Variants in RGP1 observed in about 807,000 individuals in gnomAD.
RGP1 encodes RAB6A-GEF complex partner protein 2.
RGP1 carries 28 observed loss-of-function variants against 44.5 expected under a neutral mutation model. The ratio of observed to expected loss-of-function variants is 0.63; its 90% CI spans 0.47 to 0.86. RGP1 has a LOEUF of 0.86. Among genes scored for constraint, RGP1 ranks in the 40% least tolerant of loss-of-function variants. RGP1 has a pLI of 0.00. For missense variants in RGP1, 417 were observed against 490.7 expected, an observed-to-expected ratio of 0.85 and a Z score of 1.42; for synonymous variants, 212 against 196.7, an observed-to-expected ratio of 1.08 and a Z score of -0.65.
chr9:35,778,749 G>C, the RGP1 span, among the ~76,000 whole-genome samples: 1 of 152,088 alleles, frequency 6.6e-6, no homozygotes, highest in African/African-American at 2.4e-5. Context: ...TAAGCCCAAG[G>C]CTTGTTAATC....
intron 3 of RGP1, 62 bp from the exon 4 acceptor site, chr9:35,750,596 G>T: frequency 6.4e-7 from 1 of 1,553,714 alleles, no homozygotes; most frequent in South Asian, 1.1e-5. Context: ...TCCACTTGCC[G>T]TGCTAGTCTT....
the RGP1 span, among the ~76,000 whole-genome samples, chr9:35,774,316 G>A: frequency 6.6e-6 from 1 of 152,204 alleles, no homozygotes. Context: ...AGGGCAGGCT[G>A]CACAGGCCTT....
rs2132035415 is a variant in RGP1, at chr9:35,752,704, T to C, written c.1006T>C (p.Leu336=). The change falls in exon 9 of 9, where the codon TTG becomes CTG. Residue 336 remains leucine, a synonymous_variant. Coordinates refer to ENST00000378078, the MANE Select transcript of RGP1 (RefSeq NM_001080496.3). ...FEFVTSREPG[L]VLLPPVEQPE... ...ATTTGTAACGTCCCGAGAACCAGGA[T>C]TGGTACTCCTACCCCCTGTGGAACA... The C allele has an allele frequency of 1.9e-6, 3 of 1,613,704 alleles. No individual in the cohort carries two copies. In the South Asian group the frequency reaches 3.3e-5, roughly 18 times the overall value.
In RGP1 at chr9:35,752,095, TCTCC is replaced by T. The variant is rs770946437; in HGVS notation, c.908_911del (p.Leu303GlnfsTer17). On this transcript the variant is annotated frameshift_variant, in exon 8 of 9. Coordinates refer to ENST00000378078, the MANE Select transcript of RGP1 (RefSeq NM_001080496.3). LOFTEE classifies it high-confidence loss of function. Reference sequence around the variant, plus strand: ...TGCCTACATACAACTAGAACCAGCTTCTCCCTCCCAATCCCTCTCAGCTCCACCC... The same window carrying T: ...TGCCTACATACAACTAGAACCAGCTTCTCCCAATCCCTCTCAGCTCCACCC... 16 of 1,601,136 alleles carry T rather than the reference TCTCC, an allele frequency of 1.0e-5. No individual in the cohort carries two copies. The highest frequency in any genetic ancestry group is 3.4e-5 in the Admixed American group (2 of 58,802).
the RGP1 span, among the ~76,000 whole-genome samples, chr9:35,775,352 G>A: frequency 1.3e-5 from 2 of 152,174 alleles, no homozygotes; most frequent in Non-Finnish European, 2.9e-5. Flanking sequence ...ATTCTCCCTA[G>A]GCTGTGGGAA....
chr9:35,751,277 G>A lies in RGP1; in HGVS notation c.499G>A (p.Val167Ile). 1.2e-6 allele frequency: 2 copies of A among 1,613,956 alleles called. No homozygotes were observed. The highest frequency in any genetic ancestry group is 4.5e-5 in the East Asian group (2 of 44,888). Residue 167 changes from valine to isoleucine, a missense_variant, in exon 6 of 9, where the codon GTC becomes ATC. Val to Ile is a conservative substitution (Grantham distance 29). Coordinates refer to ENST00000378078, the MANE Select transcript of RGP1 (RefSeq NM_001080496.3). Reference sequence around the variant, plus strand: ...CATTCTTTCTCTAGGCCTTCAGGATGTCCGGTTTCCCCAGGATGAGGCTGT... The same window carrying A: ...CATTCTTTCTCTAGGCCTTCAGGATATCCGGTTTCCCCAGGATGAGGCTGT... ...RVLVLTGLQD[V>I]RFPQDEAVAP...
intron 2 of RGP1, 142 bp from the exon 3 acceptor site, chr9:35,750,101 G>A: frequency 7.9e-7 from 1 of 1,261,418 alleles, no homozygotes; most frequent in African/African-American, 1.5e-5. Flanking sequence ...TTTATTTAAT[G>A]GTTTCTCTTT....
chr9:35,751,709 G>A lies in RGP1; in HGVS notation c.717G>A (p.Val239=), dbSNP rs767277273. ...FKSVYRLGED[V]VGTLNLGEGT... ...CTGTGTACAGACTTGGCGAGGACGT[G>A]GTGGGGACCTTAAACTTAGGGGAAG... Residue 239 remains valine, a synonymous_variant, in exon 7 of 9, where the codon GTG becomes GTA. Coordinates refer to ENST00000378078, the MANE Select transcript of RGP1 (RefSeq NM_001080496.3). The A allele has an allele frequency of 1.9e-5, 31 of 1,613,828 alleles. 1 individual carries two copies. The highest frequency in any genetic ancestry group is 8.9e-5 in the East Asian group (4 of 44,894).
At chr9:35,765,131 A>AG in the RGP1 span, among the ~76,000 whole-genome samples, 1 of 152,132 alleles carries the variant, frequency 6.6e-6, no homozygotes, top group Non-Finnish European at 1.5e-5. Context: ...TCAAAAAAAA[A>AG]AAAAAAAGAA....
At chr9:35,777,047 C>A in the RGP1 span, among the ~76,000 whole-genome samples, 1 of 148,258 alleles carries the variant, frequency 6.7e-6, no homozygotes, top group African/African-American at 2.5e-5. Context: ...TGAATTTATT[C>A]TTGGGCCAGA....
the RGP1 span, among the ~76,000 whole-genome samples, chr9:35,781,982 CGT>C: frequency 4.9e-5 from 6 of 121,882 alleles, no homozygotes; most frequent in Non-Finnish European, 1.0e-4. Context: ...TTATTTCTCT[CGT>C]TTTTTTTTTT....
the RGP1 span, among the ~76,000 whole-genome samples, chr9:35,779,681 A>C: frequency 6.6e-6 from 1 of 152,206 alleles, no homozygotes; most frequent in African/African-American, 2.4e-5. Flanking sequence ...TTAGGGCACA[A>C]CTCAGTGGAG....
the RGP1 span, among the ~76,000 whole-genome samples, chr9:35,768,582 G>A: frequency 3.3e-5 from 5 of 152,112 alleles, no homozygotes; most frequent in Non-Finnish European, 7.4e-5. Context: ...TCTGCCAGAG[G>A]GTACCACTCA....
At chr9:35,763,156 T>A (rs1160699264), downstream of RGP1, among the ~76,000 whole-genome samples, 1 of 152,256 alleles carries the variant, frequency 6.6e-6, no homozygotes, top group East Asian at 1.9e-4. Flanking sequence ...CTCCTTGCTG[T>A]CTAATTCTGT....
In RGP1 at chr9:35,755,430, G is replaced by C. The variant is rs1157337099; in HGVS notation, c.*2556G>C. On this transcript the variant is annotated 3_prime_UTR_variant, in exon 9 of 9. Coordinates refer to ENST00000378078, the MANE Select transcript of RGP1 (RefSeq NM_001080496.3). ...TTGGGGATGGCTGTCTCCTGGCATA[G>C]ACCTCTGCACCTTTCACACTCATAC... 1 of 152,244 alleles carries C rather than the reference G, an allele frequency of 6.6e-6. No homozygotes were observed. Among genetic ancestry groups the C allele is most frequent in the African/African-American group, 2.4e-5 (1 of 41,438 alleles). The allele number at this position is 152,244 out of a possible 1,614,324, so 9.4% of individuals were successfully genotyped here. A position where few individuals can be genotyped will look rare whatever the true frequency, so the allele number is the denominator to read the frequency against.
chr9:35,764,986 C>T, the RGP1 span, among the ~76,000 whole-genome samples: 10 of 152,068 alleles, frequency 6.6e-5, no homozygotes, highest in East Asian at 3.9e-4. Context: ...ACTAGCCAGG[C>T]GTGGTGGTGC....
chr9:35,753,099 T>C lies in RGP1; in HGVS notation c.*225T>C. The stretch of plus-strand genomic sequence containing the variant: ...GTCAGCAGATGGATGATCAGTTGAG[T>C]TTAGCTGGAGTGGGGAGCAGGAGCC... On this transcript the variant is annotated 3_prime_UTR_variant, in exon 9 of 9. Transcript: ENST00000378078. The surrounding 1 kb of genome is among the most constrained non-coding windows in gnomAD (Gnocchi z 4.2). 1 of 1,613,276 alleles carries C rather than the reference T, an allele frequency of 6.2e-7. No individual in the cohort carries two copies. Among genetic ancestry groups the C allele is most frequent in the Non-Finnish European group, 8.5e-7 (1 of 1,179,352 alleles).
the RGP1 span, among the ~76,000 whole-genome samples, chr9:35,782,723 G>A: frequency 6.6e-6 from 1 of 152,004 alleles, no homozygotes; most frequent in Non-Finnish European, 1.5e-5. Flanking sequence ...TGGAATTACA[G>A]GTGTGAGCCA....
Position 35,753,726 on chromosome 9 carries a change from G to C in RGP1, c.*852G>C. On this transcript the variant is annotated 3_prime_UTR_variant, in exon 9 of 9. Coordinates refer to ENST00000378078, the MANE Select transcript of RGP1 (RefSeq NM_001080496.3). The surrounding 1 kb of genome is among the most constrained non-coding windows in gnomAD (Gnocchi z 4.2). ...ATGGAAACAGTCCTTGCGGAGCCAAGACTCACCCAGGGTAAAATATTTCCC... is the reference window on the plus strand; with the variant it reads ...ATGGAAACAGTCCTTGCGGAGCCAACACTCACCCAGGGTAAAATATTTCCC... 1.2e-6 allele frequency: 2 copies of C among 1,614,164 alleles called. No individual in the cohort carries two copies. The highest frequency in any genetic ancestry group is 1.7e-6 in the Non-Finnish European group (2 of 1,180,024).
Sources: gnomAD v4.1 joint callset for allele counts (sites outside exome capture counted in the v4.1 genomes callset) on GRCh38, gnomAD v4.1.1 for gene constraint, Gnocchi (gnomAD v3.1) non-coding constraint, MANE v1.5 for transcripts, NCBI Gene and HGNC (gene_info 2026-07-23, HGNC 2026-07-21) for gene names.